TNFRSF11A: variants seen among roughly 807,000 people sequenced by gnomAD.
The protein encoded by TNFRSF11A is tumor necrosis factor receptor superfamily member 11A.
TNFRSF11A carries 32 observed loss-of-function variants against 55.7 expected under a neutral mutation model. That is an observed-to-expected ratio of 0.57 (90% CI 0.43 to 0.77). The LOEUF is 0.77. Among genes scored for constraint, TNFRSF11A ranks in the 30% least tolerant of loss-of-function variants. TNFRSF11A has a pLI of 0.00. For synonymous variants in TNFRSF11A, 311 were observed against 331.0 expected (o/e 0.94, Z 0.65); for missense variants, 753 against 809.8 (o/e 0.93, Z 0.85).
chr18:62,327,968 A>G (rs2046098796), intron 1 of TNFRSF11A, among the ~76,000 whole-genome samples: 1 of 152,240 alleles, frequency 6.6e-6, no homozygotes, highest in African/African-American at 2.4e-5. Flanking sequence ...ATATAGATGC[A>G]CACTGTTTTC....
chr18:62,358,276 A>C lies in TNFRSF11A; in HGVS notation c.456A>C (p.Lys152Asn). Residue 152 changes from lysine to asparagine, a missense_variant, in exon 5 of 10, where the codon AAA becomes AAC. Coordinates refer to ENST00000586569, the MANE Select transcript of TNFRSF11A (RefSeq NM_003839.4). ...AGCTCAACAAGGACACAGTGTGCAA[A>C]CCTTGCCTTGCAGGCTACTTCTCTG... ...PLQLNKDTVC[K>N]PCLAGYFSDA... The C allele has an allele frequency of 6.2e-7, 1 of 1,611,498 alleles. No homozygotes were observed. The highest frequency in any genetic ancestry group is 8.5e-7 in the Non-Finnish European group (1 of 1,179,646).
intron 6 of TNFRSF11A, among the ~76,000 whole-genome samples, 157 bp from the exon 7 acceptor site, chr18:62,361,523 G>T (rs562681425): frequency 8.5e-5 from 13 of 152,170 alleles, no homozygotes; most frequent in Non-Finnish European, 1.9e-4. Context: ...GAATGTGAGT[G>T]CTCGCGGACA....
rs142060845 is a variant in TNFRSF11A, at chr18:62,352,778, C to G, written c.284-1613C>G. Among the ~76,000 whole-genome samples, 5 of 152,230 alleles carry G rather than the reference C, an allele frequency of 3.3e-5. No homozygotes were observed. The East Asian group carries it at 9.6e-4, about 29-fold the overall frequency. On this transcript the variant is annotated intron_variant, in intron 3 of 9. Transcript: ENST00000586569. ...GACTGGGGCCTTGGAAGAGTGGGCA[C>G]TGCAGGAAATGGGGACTTCTCCAGG...
chr18:62,333,800 G>A lies in TNFRSF11A; in HGVS notation c.75+8373G>A, dbSNP rs568678877. On this transcript the variant is annotated intron_variant, in intron 1 of 9. Coordinates refer to ENST00000586569, the MANE Select transcript of TNFRSF11A (RefSeq NM_003839.4). ...TATTTGGGGACACCCATGCAAATGC[G>A]TGCCCAGTCTGCATTTGTGGGGGTC... 3.9e-5 allele frequency among the ~76,000 whole-genome samples: 6 copies of A among 152,234 alleles called. No individual in the cohort carries two copies. In the East Asian group the frequency reaches 5.8e-4, roughly 15 times the overall value.
At chr18:62,376,956 C>T (rs1462763052) in intron 9 of TNFRSF11A, among the ~76,000 whole-genome samples, 3 of 152,086 alleles carry the variant, frequency 2.0e-5, no homozygotes, top group South Asian at 4.1e-4. Context: ...ATTCTGTCAC[C>T]CAGGCTGGAG....
chr18:62,327,171 A>G lies in TNFRSF11A; in HGVS notation c.75+1744A>G, dbSNP rs193181978. 2.6e-5 allele frequency among the ~76,000 whole-genome samples: 4 copies of G among 152,158 alleles called. No homozygotes were observed. In the East Asian group the frequency reaches 7.7e-4, roughly 29 times the overall value. ...TGAGAGCCTGTGTGGGCTGGTGTCA[A>G]CCTCCTGTCTCCTCTCCTGTAATCG... On this transcript the variant is annotated intron_variant, in intron 1 of 9. Transcript: ENST00000586569.
At chr18:62,380,869 A>C (rs1483868621) in intron 9 of TNFRSF11A, among the ~76,000 whole-genome samples, 1 of 150,238 alleles carries the variant, frequency 6.7e-6, no homozygotes, top group Admixed American at 6.6e-5. Context: ...TGGCATGATC[A>C]CAGATCACTG....
rs2145415166 is a variant in TNFRSF11A, at chr18:62,388,698, G to C, written c.*3664G>C. 1 of 152,374 alleles carries C rather than the reference G, an allele frequency of 6.6e-6. No homozygotes were observed. Among genetic ancestry groups the C allele is most frequent in the South Asian group, 2.1e-4 (1 of 4,822 alleles). 9.4% of individuals were successfully genotyped at this position (152,374 alleles called of 1,614,324 possible). A position where few individuals can be genotyped will look rare whatever the true frequency, so the allele number is the denominator to read the frequency against. On this transcript the variant is annotated 3_prime_UTR_variant, in exon 10 of 10. Transcript: ENST00000586569. ...ACACCCACGTTCATATTTAAGTGCT[G>C]TGTCAAAATTCTTTCCAGAGCCAAA...
intron 1 of TNFRSF11A, among the ~76,000 whole-genome samples, chr18:62,344,771 G>C (rs2046358095): frequency 6.6e-6 from 1 of 152,184 alleles, no homozygotes; most frequent in Non-Finnish European, 1.5e-5. Flanking sequence ...ATCAGAACCA[G>C]AATACTGTAG....
chr18:62,350,955 G>A (rs1428318866), intron 3 of TNFRSF11A, among the ~76,000 whole-genome samples: 3 of 149,574 alleles, frequency 2.0e-5, no homozygotes, highest in African/African-American at 7.4e-5. Flanking sequence ...GCATTCCCTT[G>A]GTATCATTTA....
At chr18:62,359,693 C>T (rs60780691) in intron 5 of TNFRSF11A, among the ~76,000 whole-genome samples, 10,540 of 152,242 alleles carry the variant, frequency 0.069, 870 homozygotes, top group East Asian at 0.28. Flanking sequence ...ATATTCTTTC[C>T]TGAAGACTCT....
chr18:62,370,452 TCTC>T (rs960554044), intron 9 of TNFRSF11A, among the ~76,000 whole-genome samples: 1 of 152,338 alleles, frequency 6.6e-6, no homozygotes. Flanking sequence ...TGCTTTTTCT[TCTC>T]TGCTTCTTTA....
chr18:62,356,493 C>T (rs1909266310), intron 4 of TNFRSF11A, among the ~76,000 whole-genome samples: 1 of 152,244 alleles, frequency 6.6e-6, no homozygotes, highest in Non-Finnish European at 1.5e-5. Context: ...ATTAGACTTT[C>T]TCTCTGCCTT....
At chr18:62,366,859 C>G in intron 8 of TNFRSF11A, 99 bp downstream of exon 8, 1 of 1,277,844 alleles carries the variant, frequency 7.8e-7, no homozygotes, top group Non-Finnish European at 1.1e-6. Flanking sequence ...CCCACCCCCA[C>G]TTTTTTTGAG....
Position 62,391,160 on chromosome 18 carries a change from C to T in TNFRSF11A, c.*6126C>T, listed in dbSNP as rs1043216770. ...TCCACATAATGTCCTTGAGATCCAT[C>T]GGTGGGTACACCAGTAGTTCCATTT... On this transcript the variant is annotated 3_prime_UTR_variant, in exon 10 of 10. Coordinates refer to ENST00000586569, the MANE Select transcript of TNFRSF11A (RefSeq NM_003839.4). 1 of 152,228 alleles carries T rather than the reference C, an allele frequency of 6.6e-6. No individual in the cohort carries two copies. The highest frequency in any genetic ancestry group is 1.5e-5 in the Non-Finnish European group (1 of 68,066). The allele number at this position is 152,228 out of a possible 1,614,324, so 9.4% of individuals were successfully genotyped here. A position where few individuals can be genotyped will look rare whatever the true frequency, so the allele number is the denominator to read the frequency against.
At chr18:62,358,369 G>A (rs1295845609) in intron 5 of TNFRSF11A, 28 bp downstream of exon 5, 9 of 1,605,208 alleles carry the variant, frequency 5.6e-6, no homozygotes, top group Non-Finnish European at 7.7e-6. Context: ...AGTCAGAAGA[G>A]ATGGTTGGTT....
At chr18:62,380,991 G>A (rs1911248190) in intron 9 of TNFRSF11A, among the ~76,000 whole-genome samples, 1 of 151,844 alleles carries the variant, frequency 6.6e-6, no homozygotes, top group Non-Finnish European at 1.5e-5. Context: ...TTTTCATAGA[G>A]GCAGGGTTTC....
chr18:62,368,210 G>A (rs1910241753), intron 8 of TNFRSF11A, among the ~76,000 whole-genome samples: 1 of 152,062 alleles, frequency 6.6e-6, no homozygotes, highest in Non-Finnish European at 1.5e-5. Flanking sequence ...TCCCATATTT[G>A]AATCTTTCTT....
chr18:62,348,073 A>G, intron 1 of TNFRSF11A, 95 bp from the exon 2 acceptor site: 1 of 996,504 alleles, frequency 1.0e-6, no homozygotes, highest in Non-Finnish European at 1.5e-6. Flanking sequence ...AAAAAAAAAA[A>G]AAAAAAGTAA....
Sources: gnomAD v4.1 joint callset for allele counts (sites outside exome capture counted in the v4.1 genomes callset) on GRCh38, gnomAD v4.1.1 for gene constraint, MANE v1.5 for transcripts, NCBI Gene and HGNC (gene_info 2026-07-23, HGNC 2026-07-21) for gene names.